ZNF841: variants seen among roughly 807,000 people sequenced by gnomAD.
ZNF841 encodes the protein TCONS_00006091.
Under a neutral mutation model 13.0 loss-of-function variants are expected in ZNF841, and 11 were observed. That is an observed-to-expected ratio of 0.85 (90% CI 0.53 to 1.40). ZNF841 has a LOEUF of 1.40. Ranked by LOEUF, ZNF841 falls within the 40% of genes most tolerant of loss-of-function variation. ZNF841 has a pLI of 0.00. For synonymous variants in ZNF841, 369 were observed against 381.6 expected (o/e 0.97, Z 0.38); for missense variants, 1,068 against 1,139.5 (o/e 0.94, Z 0.90).
chr19:52,061,828 G>A (rs2087404515), downstream of ZNF841, among the ~76,000 whole-genome samples: 1 of 152,134 alleles, frequency 6.6e-6, no homozygotes, highest in African/African-American at 2.4e-5. Context: ...TTACAGGCGT[G>A]AGCCACCGTG....
At chr19:52,072,717 G>C (rs1374647783) in intron 6 of ZNF841, among the ~76,000 whole-genome samples, 1 of 152,124 alleles carries the variant, frequency 6.6e-6, no homozygotes, top group Non-Finnish European at 1.5e-5. Flanking sequence ...TACTCGGGAG[G>C]CTGAGGCAGG....
downstream of ZNF841, among the ~76,000 whole-genome samples, chr19:52,060,240 C>T (rs73066154): frequency 0.3 from 46,325 of 152,138 alleles, 7,509 homozygotes; most frequent in South Asian, 0.59. Context: ...GTAACATATT[C>T]TGGTGAGCTA....
chr19:52,068,950 C>T (rs184792576), intron 6 of ZNF841, among the ~76,000 whole-genome samples: 2 of 152,242 alleles, frequency 1.3e-5, no homozygotes, highest in East Asian at 3.9e-4. Flanking sequence ...TCAGCCTGGG[C>T]AACAGAGCGA....
chr19:52,083,528 G>A (rs1289975510), intron 4 of ZNF841, among the ~76,000 whole-genome samples: 2 of 151,512 alleles, frequency 1.3e-5, no homozygotes, highest in Non-Finnish European at 2.9e-5. Flanking sequence ...TGGACTGTGA[G>A]GACATTTCAT....
rs1568533651 is a variant in ZNF841, at chr19:52,065,356, G to C, written c.2526C>G (p.Asn842Lys). 6.2e-7 allele frequency: 1 copy of C among 1,607,450 alleles called. No individual in the cohort carries two copies. Among genetic ancestry groups the C allele is most frequent in the Admixed American group, 1.7e-5 (1 of 58,326 alleles). The change falls in exon 7 of 7, where the codon AAC becomes AAG. Residue 842 changes from asparagine to lysine, a missense_variant. Asn to Lys is a moderately conservative substitution (Grantham distance 94). Transcript: ENST00000594440. The stretch of plus-strand genomic sequence containing the variant: ...ATTTGTATGGCTTCTCTCCAGTATG[G>C]TTTCTCTGATGGTAAACCAAGTTTG... ...ERSNLVYHQRNHTGEKPYKCM... is the reference protein window; with the variant it reads ...ERSNLVYHQRKHTGEKPYKCM...
Position 52,065,074 on chromosome 19 carries a change from G to T in ZNF841, c.*33C>A, listed in dbSNP as rs752942730. 39 of 1,440,800 alleles carry T rather than the reference G, an allele frequency of 2.7e-5. No homozygotes were observed. The highest frequency in any genetic ancestry group is 3.4e-5 in the Non-Finnish European group (37 of 1,088,968). The allele number at this position is 1,440,800 out of a possible 1,614,324, so 89.3% of individuals were successfully genotyped here. The stretch of plus-strand genomic sequence containing the variant: ...TCCACATGAGACTTCAAAGGGAAAG[G>T]ACAAATATACAAGCTATATGAGTAA... On this transcript the variant is annotated 3_prime_UTR_variant, in exon 7 of 7. Coordinates refer to ENST00000594440, the MANE Select transcript of ZNF841 (RefSeq NM_001136499.2).
At chr19:52,083,620 C>T (rs2088171553) in intron 4 of ZNF841, among the ~76,000 whole-genome samples, 1 of 151,820 alleles carries the variant, frequency 6.6e-6, no homozygotes, top group African/African-American at 2.4e-5. Context: ...ATTTCATGTT[C>T]TGTAGTTAAA....
intron 3 of ZNF841, among the ~76,000 whole-genome samples, chr19:52,088,237 T>G (rs1276758598): frequency 6.6e-6 from 1 of 152,130 alleles, no homozygotes; most frequent in African/African-American, 2.4e-5. Flanking sequence ...CCAACCTCCC[T>G]GTGGACTCCA....
In ZNF841 at chr19:52,066,543, G is replaced by A. The variant is rs375970898; in HGVS notation, c.1339C>T (p.His447Tyr). ...GTCTCTCCAGTATGAATTATCTGGT[G>A]CCTTACAAGTTGTGAATTCTGATAA... is the stretch of plus-strand genomic sequence containing the variant. Reference protein sequence around the residue: ...VFYQNSQLVRHQIIHTGETPY... With the variant: ...VFYQNSQLVRYQIIHTGETPY... Residue 447 changes from histidine to tyrosine, a missense_variant, in exon 7 of 7, where the codon CAC becomes TAC. Coordinates refer to ENST00000594440, the MANE Select transcript of ZNF841 (RefSeq NM_001136499.2). 1.2e-4 allele frequency: 196 copies of A among 1,613,756 alleles called. No homozygotes were observed. In the African/African-American group the frequency reaches 1.7e-3, roughly 14 times the overall value.
At chr19:52,086,679 T>G (rs531690683) in intron 3 of ZNF841, among the ~76,000 whole-genome samples, 1 of 152,248 alleles carries the variant, frequency 6.6e-6, no homozygotes, top group South Asian at 2.1e-4. Flanking sequence ...AAGCCATGAG[T>G]CATTCCCACA....
Position 52,088,998 on chromosome 19 carries a change from G to C in ZNF841, c.-139C>G, listed in dbSNP as rs1297957421. The C allele has an allele frequency of 1.3e-5, 2 of 152,126 alleles. No individual in the cohort carries two copies. Among genetic ancestry groups the C allele is most frequent in the African/African-American group, 4.8e-5 (2 of 41,412 alleles). 9.4% of individuals were successfully genotyped at this position (152,126 alleles called of 1,614,324 possible). On this transcript the variant is annotated 5_prime_UTR_variant, in exon 3 of 7. Coordinates refer to ENST00000594440, the MANE Select transcript of ZNF841 (RefSeq NM_001136499.2). ...TCAAGATAAATTAATCTGGTGTAAG[G>C]ACCACTGTTAAAAGAGAAAATTCAT...
rs1260435031 is a variant in ZNF841, at chr19:52,066,778, A to G, written c.1104T>C (p.Thr368=). ...SHLAVHQRIH[T]GEKPYKCNRC... ...GATTACATTTGTAAGGTTTCTCTCC[A>G]GTATGAATTCTCTGATGAACTGCAA... Residue 368 remains threonine (T), a synonymous_variant, in exon 7 of 7, where the codon ACT becomes ACC. Transcript: ENST00000594440. The G allele has an allele frequency of 6.2e-7, 1 of 1,613,838 alleles. No homozygotes were observed. Among genetic ancestry groups the G allele is most frequent in the African/African-American group, 1.3e-5 (1 of 74,918 alleles).
At chr19:52,070,629 T>C (rs1411831325) in intron 6 of ZNF841, among the ~76,000 whole-genome samples, 2 of 152,230 alleles carry the variant, frequency 1.3e-5, no homozygotes, top group African/African-American at 2.4e-5. Context: ...GTTTGCTGTT[T>C]GATCATATAG....
the ZNF841 span, chr19:52,058,922 ATTG>A: frequency 2.0e-4 from 31 of 153,228 alleles, no homozygotes; most frequent in Non-Finnish European, 3.1e-4. Flanking sequence ...CAAAAAAATA[ATTG>A]TTATTATTAT....
At position 52,066,033 on chromosome 19, in the gene ZNF841, G is replaced by A. The variant is rs763339017; in HGVS notation, c.1849C>T (p.Arg617Ter). ...IDSGNLSIHR[R>*]SHTGEKPFQC... ...AAAGGTTTCTCTCCGGTATGACTTC[G>A]CCTATGAATTGAAAGGTTTCCACTG... Residue 617 changes from arginine (R) to a stop codon, truncating the protein, a stop_gained, in exon 7 of 7, where the codon CGA (arginine) becomes TGA (stop). Transcript: ENST00000594440. LOFTEE classifies it low-confidence loss of function (END_TRUNC). The A allele has an allele frequency of 1.9e-6, 3 of 1,611,460 alleles. No individual in the cohort carries two copies. Among genetic ancestry groups the A allele is most frequent in the Non-Finnish European group, 2.5e-6 (3 of 1,179,292 alleles).
chr19:52,078,628 A>G (rs2087988504), intron 4 of ZNF841, among the ~76,000 whole-genome samples: 1 of 150,488 alleles, frequency 6.6e-6, no homozygotes, highest in Non-Finnish European at 1.5e-5. Flanking sequence ...GAACCCGGGA[A>G]GCAGGGCTTG....
intron 6 of ZNF841, among the ~76,000 whole-genome samples, chr19:52,069,472 C>A (rs2087681813): frequency 6.6e-6 from 1 of 152,174 alleles, no homozygotes; most frequent in Non-Finnish European, 1.5e-5. Flanking sequence ...AAAGACAACA[C>A]CGTTTGGACC....
chr19:52,067,122 T>C lies in ZNF841; in HGVS notation c.760A>G (p.Thr254Ala), dbSNP rs369750870. ...QLSLPTQDEK[T>A]HIREKPYIGN... ...ATGTAAGGTTTTTCCCTAATATGTG[T>C]TTTCTCGTCTTGTGTAGGTAACGAA... The change falls in exon 7 of 7, where the codon ACA (threonine) becomes GCA (alanine). Residue 254 changes from threonine (T) to alanine (A), a missense_variant. Transcript: ENST00000594440. 1,104 of 1,569,212 alleles carry C rather than the reference T, an allele frequency of 7.0e-4. 15 individuals are homozygous for C. In the South Asian group the frequency reaches 0.012, roughly 17 times the overall value.
Position 52,067,107 on chromosome 19 carries a change from T to C in ZNF841, c.775A>G (p.Lys259Glu), listed in dbSNP as rs770631357. The C allele has an allele frequency of 1.9e-6, 3 of 1,585,208 alleles. No individual in the cohort carries two copies. Among genetic ancestry groups the C allele is most frequent in the Non-Finnish European group, 2.6e-6 (3 of 1,163,958 alleles). ...CCACACTCATTACCTATGTAAGGTTTTTCCCTAATATGTGTTTTCTCGTCT... is the reference window on the plus strand; with the variant it reads ...CCACACTCATTACCTATGTAAGGTTCTTCCCTAATATGTGTTTTCTCGTCT... ...TQDEKTHIRE[K>E]PYIGNECGKA... The change falls in exon 7 of 7, where the codon AAA (lysine) becomes GAA (glutamate). Residue 259 changes from lysine to glutamate, a missense_variant. Lys to Glu is a moderately conservative substitution (Grantham distance 56). Coordinates refer to ENST00000594440, the MANE Select transcript of ZNF841 (RefSeq NM_001136499.2).
Sources: allele counts gnomAD v4.1 joint callset (sites outside exome capture counted in the v4.1 genomes callset), GRCh38; gene constraint gnomAD v4.1.1; transcripts MANE v1.5; gene names NCBI Gene and HGNC (gene_info 2026-07-23, HGNC 2026-07-21).